Variants in TENM2 observed in about 807,000 individuals in gnomAD.
TENM2 encodes teneurin transmembrane protein 2, also known as teneurin-2.
In TENM2, 52 loss-of-function variants were observed where a neutral mutation model predicts 245.2. The observed-to-expected ratio is 0.21, with a 90% CI of 0.17 to 0.27. TENM2 has a LOEUF of 0.27. Ranked by LOEUF, TENM2 falls within the 10% of genes least tolerant of loss-of-function variation. The probability of loss-of-function intolerance (pLI) is 1.00; values close to 1 mark genes in which losing one functional copy is unlikely to be tolerated. For synonymous variants in TENM2, 1,363 were observed against 1,438.9 expected (o/e 0.95, Z 1.19); for missense variants, 3,046 against 3,666.8 (o/e 0.83, Z 4.37).
At chr5:167,348,915 A>G (rs1306012748) in intron 1 of TENM2, among the ~76,000 whole-genome samples, 2 of 152,192 alleles carry the variant, frequency 1.3e-5, no homozygotes, top group Non-Finnish European at 2.9e-5. Context: ...GTAAGTCTTA[A>G]GAGTTGACCC....
intron 2 of TENM2, among the ~76,000 whole-genome samples, chr5:167,449,826 C>T (rs368970011): frequency 4.6e-5 from 7 of 152,046 alleles, no homozygotes; most frequent in East Asian, 1.9e-4. Flanking sequence ...TGCATAGTGG[C>T]GCGTACCTTT....
At chr5:167,623,491 C>G (rs985654441) in intron 2 of TENM2, among the ~76,000 whole-genome samples, 9 of 152,238 alleles carry the variant, frequency 5.9e-5, no homozygotes, top group Non-Finnish European at 1.2e-4. Context: ...TACAATCTTG[C>G]TGTCTGAATG....
intron 5 of TENM2, among the ~76,000 whole-genome samples, chr5:168,036,677 G>GTATATATA (rs60784450): frequency 0.011 from 1,340 of 117,738 alleles, 37 homozygotes; most frequent in African/African-American, 0.018. Context: ...ATATGTATGT[G>GTATATATA]TATATATATA....
chr5:167,763,681 T>C (rs567297038), intron 2 of TENM2, among the ~76,000 whole-genome samples: 14 of 152,194 alleles, frequency 9.2e-5, no homozygotes, highest in Non-Finnish European at 1.8e-4. Flanking sequence ...GAATAAATGA[T>C]AAATGGCAGT....
In TENM2 at chr5:167,436,447, C is replaced by T. The variant is rs183413152; in HGVS notation, c.502+60974C>T. On this transcript the variant is annotated intron_variant, in intron 2 of 28. Transcript: ENST00000518659. ...GGGTGCTGTTAAAGGTATTCAGTTT[C>T]AAAAGGGAGACAGCAAAAAAGTTTG... Among the ~76,000 whole-genome samples, 7 of 152,176 alleles carry T rather than the reference C, an allele frequency of 4.6e-5. No homozygotes were observed. In the East Asian group the frequency reaches 1.4e-3, roughly 29 times the overall value.
In TENM2 at chr5:167,938,581, C is replaced by G. The variant is rs2151751846; in HGVS notation, c.713-14007C>G. The G allele has an allele frequency of 2.6e-5, 4 of 152,344 alleles. No homozygotes were observed. The Middle Eastern group carries it at 0.01, about 389-fold the overall frequency. 9.4% of individuals were successfully genotyped at this position (152,344 alleles called of 1,614,324 possible). On this transcript the variant is annotated intron_variant, in intron 3 of 28. Transcript: ENST00000518659. ...TTTACCTTCGTCAAGGCCAGGAACT[C>G]TGTACCTCCAAAAGCCCTCTGACCC...
intron 2 of TENM2, among the ~76,000 whole-genome samples, chr5:167,390,127 C>G (rs1038094925): frequency 6.6e-6 from 1 of 152,154 alleles, no homozygotes; most frequent in African/African-American, 2.4e-5. Flanking sequence ...TTTTCAAAAG[C>G]ATGCGACTTA....
At chr5:167,396,113 T>C (rs1295215204) in intron 2 of TENM2, among the ~76,000 whole-genome samples, 1 of 152,184 alleles carries the variant, frequency 6.6e-6, no homozygotes, top group African/African-American at 2.4e-5. Flanking sequence ...TCTTGGTATT[T>C]ATTCAAAAGA....
intron 2 of TENM2, among the ~76,000 whole-genome samples, chr5:167,643,227 C>T (rs1779724646): frequency 6.6e-6 from 1 of 152,122 alleles, no homozygotes; most frequent in Non-Finnish European, 1.5e-5. Flanking sequence ...TTTTGTCCCC[C>T]CAGTAAGATC....
At chr5:168,150,552 G>T (rs1474962949) in intron 12 of TENM2, among the ~76,000 whole-genome samples, 1 of 152,030 alleles carries the variant, frequency 6.6e-6, no homozygotes, top group African/African-American at 2.4e-5. Flanking sequence ...GCTCTAGACT[G>T]ACTCCGTCAC....
intron 2 of TENM2, among the ~76,000 whole-genome samples, chr5:167,570,610 G>A (rs969247878): frequency 6.6e-6 from 1 of 152,006 alleles, no homozygotes; most frequent in Non-Finnish European, 1.5e-5. Context: ...GCGGTGTTAC[G>A]ATCTCTGGTG....
At chr5:167,057,035 TC>T in the TENM2 span, among the ~76,000 whole-genome samples, 2 of 152,106 alleles carry the variant, frequency 1.3e-5, no homozygotes, top group Non-Finnish European at 2.9e-5. Context: ...TGTGCTGTTC[TC>T]CCTGCTTTTC....
chr5:167,775,895 A>G (rs1013425239), intron 2 of TENM2, among the ~76,000 whole-genome samples: 1 of 152,178 alleles, frequency 6.6e-6, no homozygotes, highest in Non-Finnish European at 1.5e-5. Flanking sequence ...GGTGACTGGC[A>G]GCTACATAGG....
intron 3 of TENM2, among the ~76,000 whole-genome samples, chr5:167,886,189 G>A (rs1774274878): frequency 6.6e-6 from 1 of 152,184 alleles, no homozygotes; most frequent in East Asian, 1.9e-4. Flanking sequence ...GGCACAGTGA[G>A]GTTAAGTAAT....
chr5:167,621,022 A>G (rs1489047983), intron 2 of TENM2, among the ~76,000 whole-genome samples: 1 of 152,116 alleles, frequency 6.6e-6, no homozygotes, highest in East Asian at 1.9e-4. Flanking sequence ...TATCAACACT[A>G]AGAAGTAAGG....
At chr5:167,256,030 G>C in the TENM2 span, among the ~76,000 whole-genome samples, 1 of 152,102 alleles carries the variant, frequency 6.6e-6, no homozygotes, top group East Asian at 1.9e-4. Flanking sequence ...TGTGATTGCT[G>C]TTTTGTTAAA....
At chr5:167,563,478 C>T (rs753475404) in intron 2 of TENM2, among the ~76,000 whole-genome samples, 30 of 152,294 alleles carry the variant, frequency 2.0e-4, no homozygotes, top group Admixed American at 4.6e-4. Flanking sequence ...AGTGATGTCT[C>T]GTAAATCTTT....
chr5:167,485,726 C>G (rs1768020692), intron 2 of TENM2, among the ~76,000 whole-genome samples: 1 of 151,990 alleles, frequency 6.6e-6, no homozygotes, highest in South Asian at 2.1e-4. Context: ...AATACCCCGA[C>G]AAGTTGCAGG....
intron 2 of TENM2, among the ~76,000 whole-genome samples, chr5:167,818,974 T>C (rs557186656): frequency 3.3e-5 from 5 of 152,144 alleles, no homozygotes; most frequent in Admixed American, 6.6e-5. Flanking sequence ...CGTGACATCA[T>C]CCCACAGGGC....
Sources: allele counts gnomAD v4.1 joint callset (sites outside exome capture counted in the v4.1 genomes callset), GRCh38; gene constraint gnomAD v4.1.1; transcripts MANE v1.5; gene names NCBI Gene and HGNC (gene_info 2026-07-23, HGNC 2026-07-21).